The following UACA variants were observed in gnomAD, a reference collection of about 807,000 sequenced individuals.
UACA encodes uveal autoantigen with coiled-coil domains and ankyrin repeats.
A neutral mutation model predicts 160.5 loss-of-function variants in UACA; 112 were observed. The observed-to-expected ratio is 0.70, with a 90% CI of 0.60 to 0.82. The LOEUF is 0.82. Ranked by LOEUF, UACA falls within the 40% of genes least tolerant of loss-of-function variation. UACA has a pLI of 0.00. For synonymous variants in UACA, 557 were observed against 568.4 expected (o/e 0.98, Z 0.29); for missense variants, 1,574 against 1,614.6 (o/e 0.97, Z 0.43).
In UACA at chr15:70,680,426, G is replaced by T. The variant is rs142026735; in HGVS notation, c.823-750C>A. ...AACTACTGCTTTAATTCTTCGAGAT[G>T]ATTTTCTCATGTTTTGTATTATTTG... is the stretch of plus-strand genomic sequence containing the variant. On this transcript the variant is annotated intron_variant, in intron 9 of 18. Transcript: ENST00000322954. Among the ~76,000 whole-genome samples the T allele has an allele frequency of 2.0e-5, 3 of 152,030 alleles. No homozygotes were observed. In the East Asian group the frequency reaches 5.8e-4, roughly 29 times the overall value.
At chr15:70,663,580 T>C (rs1434645747) in intron 17 of UACA, among the ~76,000 whole-genome samples, 2 of 152,112 alleles carry the variant, frequency 1.3e-5, no homozygotes, top group African/African-American at 4.8e-5. Context: ...ATATGTTTAT[T>C]GCGGCACTGT....
chr15:70,743,663 T>C (rs1261904999), intron 1 of UACA, among the ~76,000 whole-genome samples: 1 of 152,180 alleles, frequency 6.6e-6, no homozygotes, highest in African/African-American at 2.4e-5. Flanking sequence ...CTTTTCCTAG[T>C]TTAAAATAAA....
the UACA span, among the ~76,000 whole-genome samples, chr15:70,773,025 G>A: frequency 2.7e-4 from 39 of 146,542 alleles, no homozygotes; most frequent in African/African-American, 8.6e-4. Flanking sequence ...CAGCCTAGGC[G>A]ACAGAGCAAG....
At chr15:70,679,904 C>A in intron 9 of UACA, 1 of 238,536 alleles carries the variant, frequency 4.2e-6, no homozygotes, top group Middle Eastern at 1.4e-3. Context: ...TAAATAATAA[C>A]AAATTTTAAA....
At chr15:70,753,285 AT>A (rs1014419879) in intron 1 of UACA, among the ~76,000 whole-genome samples, 2 of 152,058 alleles carry the variant, frequency 1.3e-5, no homozygotes, top group Non-Finnish European at 2.9e-5. Flanking sequence ...AAGCCAAACT[AT>A]TTTTTTCTAT....
At chr15:70,750,270 C>T (rs529141834) in intron 1 of UACA, among the ~76,000 whole-genome samples, 2 of 152,264 alleles carry the variant, frequency 1.3e-5, no homozygotes, top group South Asian at 2.1e-4. Flanking sequence ...ATCTAAAACA[C>T]GTTTGATTTT....
chr15:70,758,148 C>T (rs974571781), intron 1 of UACA: 1 of 152,316 alleles, frequency 6.6e-6, no homozygotes, highest in East Asian at 1.9e-4. Context: ...TTCCTGGACT[C>T]ATTATGCACC....
intron 1 of UACA, among the ~76,000 whole-genome samples, chr15:70,724,684 A>G (rs1899093735): frequency 6.6e-6 from 1 of 152,140 alleles, no homozygotes; most frequent in Admixed American, 6.5e-5. Context: ...GCACACTTAT[A>G]ATTGCCTCAA....
chr15:70,691,913 T>C (rs1467584255), intron 3 of UACA, among the ~76,000 whole-genome samples: 1 of 152,194 alleles, frequency 6.6e-6, no homozygotes, highest in Non-Finnish European at 1.5e-5. Context: ...ATATAATTTG[T>C]ATAAAATGTG....
chr15:70,664,674 C>A lies in UACA; in HGVS notation c.4101G>T (p.Glu1367Asp), dbSNP rs759083805. ...CCTGGTTACTCACGGCCAGCTGTTGCTCCAGAGATTTCACTTGGTGCTGCA... is the reference window on the plus strand; with the variant it reads ...CCTGGTTACTCACGGCCAGCTGTTGATCCAGAGATTTCACTTGGTGCTGCA... Reference protein sequence around the residue: ...DTLQHQVKSLEQQLADADRQH... With the variant: ...DTLQHQVKSLDQQLADADRQH... The change falls in exon 17 of 19, where the codon GAG becomes GAT. Residue 1367 changes from glutamate to aspartate, a missense_variant. Coordinates refer to ENST00000322954, the MANE Select transcript of UACA (RefSeq NM_018003.4). 5.0e-6 allele frequency: 8 copies of A among 1,610,906 alleles called. No homozygotes were observed. In the Admixed American group the frequency reaches 1.3e-4, roughly 27 times the overall value.
chr15:70,670,404 C>G lies in UACA; in HGVS notation c.1221+635G>C, dbSNP rs1009057461. Among the ~76,000 whole-genome samples the G allele has an allele frequency of 2.6e-5, 4 of 152,156 alleles. 1 individual carries two copies. The highest frequency in any genetic ancestry group is 9.7e-5 in the African/African-American group (4 of 41,446). On this transcript the variant is annotated intron_variant, in intron 15 of 18. Transcript: ENST00000322954. ...AAACCAAGCCAGTGCATAAAAATCC[C>G]AAGCCAAGGGCTGAACAGGGTACTG... is the stretch of plus-strand genomic sequence containing the variant.
In UACA at chr15:70,761,041, A is replaced by G. The variant is rs553283000; in HGVS notation, c.78+2289T>C. Among the ~76,000 whole-genome samples the G allele has an allele frequency of 2.6e-5, 4 of 152,334 alleles. No individual in the cohort carries two copies. In the South Asian group the frequency reaches 8.3e-4, roughly 32 times the overall value. On this transcript the variant is annotated intron_variant, in intron 1 of 18. Transcript: ENST00000322954. The stretch of plus-strand genomic sequence containing the variant: ...AGGAATTAATCCTACAGGTACAGAC[A>G]CACACTTGAAATATGAATATTAATC...
At position 70,689,217 on chromosome 15, in the gene UACA, G is replaced by T. The variant is rs913071199; in HGVS notation, c.424+1237C>A. Among the ~76,000 whole-genome samples, 2 of 152,224 alleles carry T rather than the reference G, an allele frequency of 1.3e-5. 1 individual carries two copies. On this transcript the variant is annotated intron_variant, in intron 5 of 18. Transcript: ENST00000322954. ...GGTAAGTGGAGAAACAAGATAGAAA[G>T]AATTCAGTTTTAAAATGACCATGAG...
intron 9 of UACA, among the ~76,000 whole-genome samples, chr15:70,681,056 G>C (rs2140930777): frequency 6.6e-6 from 1 of 152,288 alleles, no homozygotes; most frequent in Non-Finnish European, 1.5e-5. Flanking sequence ...CTGGGCACCT[G>C]CCCTTCCCTC....
Position 70,668,451 on chromosome 15 carries a change from CATA to C in UACA, c.2230_2232del (p.Tyr744del), listed in dbSNP as rs768133711. 6.7e-5 allele frequency: 108 copies of C among 1,612,154 alleles called. No homozygotes were observed. Among genetic ancestry groups the C allele is most frequent in the Non-Finnish European group, 9.0e-5 (106 of 1,179,880 alleles). On this transcript the variant is annotated inframe_deletion, in exon 16 of 19. Coordinates refer to ENST00000322954, the MANE Select transcript of UACA (RefSeq NM_018003.4). ...ATGTCTTCACTTACTTTTAAAGGAA[CATA>C]ATGATTTTTCATTTCAATTGTTAAG...
At chr15:70,685,884 C>T (rs1157441239) in intron 7 of UACA, among the ~76,000 whole-genome samples, 1 of 152,038 alleles carries the variant, frequency 6.6e-6, no homozygotes, top group African/African-American at 2.4e-5. Context: ...AAGGAATTCT[C>T]CTGCCTCAGC....
intron 12 of UACA, 60 bp downstream of exon 12, chr15:70,677,047 TA>T: frequency 7.7e-7 from 1 of 1,306,800 alleles, no homozygotes. Context: ...AAACCTTTAC[TA>T]CTATATCATC....
intron 5 of UACA, among the ~76,000 whole-genome samples, chr15:70,688,500 AATAAT>A (rs1297909865): frequency 3.9e-5 from 6 of 152,138 alleles, no homozygotes; most frequent in South Asian, 2.1e-4. Flanking sequence ...TTATTGGTGA[AATAAT>A]AGAATTAAAC....
At chr15:70,775,274 C>T in the UACA span, among the ~76,000 whole-genome samples, 1 of 152,074 alleles carries the variant, frequency 6.6e-6, no homozygotes, top group Non-Finnish European at 1.5e-5. Context: ...ATACTTACAC[C>T]ATGGAATTCA....
Sources: gnomAD v4.1 joint callset for allele counts (sites outside exome capture counted in the v4.1 genomes callset) on GRCh38, gnomAD v4.1.1 for gene constraint, MANE v1.5 for transcripts, NCBI Gene and HGNC (gene_info 2026-07-23, HGNC 2026-07-21) for gene names.